The following TBCD variants were observed in gnomAD, a reference collection of about 807,000 sequenced individuals.
TBCD encodes the protein tubulin-specific chaperone D.
A neutral mutation model predicts 169.3 loss-of-function variants in TBCD; 105 were observed. That is an observed-to-expected ratio of 0.62 (90% CI 0.53 to 0.73). The LOEUF (loss-of-function observed/expected upper bound fraction) is 0.73. Among genes scored for constraint, TBCD ranks in the 30% least tolerant of loss-of-function variants. TBCD has a pLI of 0.00. For synonymous variants in TBCD, 700 were observed against 643.9 expected, an observed-to-expected ratio of 1.09 and a Z score of -1.32; for missense variants, 1,444 against 1,600.1, an observed-to-expected ratio of 0.90 and a Z score of 1.66.
intron 14 of TBCD, among the ~76,000 whole-genome samples, chr17:82,883,176 C>T (rs138102806): frequency 6.6e-6 from 1 of 152,270 alleles, no homozygotes; most frequent in Non-Finnish European, 1.5e-5. Context: ...GGTCTGTCAA[C>T]TTCCCTGGAA....
intron 8 of TBCD, among the ~76,000 whole-genome samples, chr17:82,800,037 C>T (rs574396893): frequency 1.3e-5 from 2 of 152,196 alleles, no homozygotes; most frequent in South Asian, 2.1e-4. Flanking sequence ...GCTCTGTCCC[C>T]GCCCCACTGC....
chr17:82,877,773 T>C (rs143240205), intron 14 of TBCD, among the ~76,000 whole-genome samples: 5 of 152,394 alleles, frequency 3.3e-5, no homozygotes, highest in East Asian at 3.9e-4. Context: ...TTCGTGCTAA[T>C]GTAACGTGAG....
chr17:82,903,147 C>T lies in TBCD; in HGVS notation c.1731-258C>T, dbSNP rs955372805. Among the ~76,000 whole-genome samples the T allele has an allele frequency of 6.6e-6, 1 of 152,110 alleles. No individual in the cohort carries two copies. The highest frequency in any genetic ancestry group is 2.4e-5 in the African/African-American group (1 of 41,394). On this transcript the variant is annotated intron_variant, in intron 18 of 38. Transcript: ENST00000355528. This position sits in a 1 kb window ranked among gnomAD's most constrained non-coding sequence, Gnocchi z 4.8. ...GTGGGGAGGCCGGACACCCAATTGC[C>T]ACCTGGCCCTGAGAAGGAAAGGCAG...
At chr17:82,781,852 G>A in intron 7 of TBCD, 131 bp downstream of exon 7, 16 of 1,422,800 alleles carry the variant, frequency 1.1e-5, no homozygotes, top group Non-Finnish European at 1.5e-5. Flanking sequence ...AACCGGGCCA[G>A]GGTCTTGGGC....
chr17:82,760,169 T>C (rs1277539310), intron 2 of TBCD, among the ~76,000 whole-genome samples: 1 of 152,232 alleles, frequency 6.6e-6, no homozygotes, highest in Non-Finnish European at 1.5e-5. Flanking sequence ...CCACCACGCC[T>C]GGCCTGGGTC....
At chr17:82,941,711 G>A in intron 38 of TBCD, 1 of 537,544 alleles carries the variant, frequency 1.9e-6, no homozygotes, top group Non-Finnish European at 3.3e-6. Flanking sequence ...GGGCGTTTGG[G>A]GGGCCGGGGA....
Position 82,870,390 on chromosome 17 carries a change from T to C in TBCD, c.1475+10T>C. The C allele has an allele frequency of 1.2e-6, 2 of 1,610,864 alleles. No homozygotes were observed. Among genetic ancestry groups the C allele is most frequent in the East Asian group, 2.2e-5 (1 of 44,814 alleles). ...TGACTGCAATCTCGAGGTAGGCCCA[T>C]TCGTCGAGGTACATCGGATGCGCCG... is the stretch of plus-strand genomic sequence containing the variant. On this transcript the variant is annotated intron_variant, in intron 14 of 38. Coordinates refer to ENST00000355528, the MANE Select transcript of TBCD (RefSeq NM_005993.5).
At chr17:82,838,321 A>C (rs1177663853) in intron 13 of TBCD, among the ~76,000 whole-genome samples, 1 of 141,992 alleles carries the variant, frequency 7.0e-6, no homozygotes, top group African/African-American at 2.6e-5. Flanking sequence ...AAAATAGACA[A>C]GAGAAAGAGT....
At position 82,929,442 on chromosome 17, in the gene TBCD, A is replaced by T. The variant is rs2062021356; in HGVS notation, c.2933A>T (p.Tyr978Phe). The T allele has an allele frequency of 6.2e-7, 1 of 1,611,742 alleles. No individual in the cohort carries two copies. The stretch of plus-strand genomic sequence containing the variant: ...ACCCAGCTCCTTGGGCTGCCCACCT[A>T]CCGCTACCACGTCCTGCTGGGGCTA... Reference protein sequence around the residue: ...RITQLLGLPTYRYHVLLGLVV... With the variant: ...RITQLLGLPTFRYHVLLGLVV... The change falls in exon 32 of 39, where the codon TAC (tyrosine) becomes TTC (phenylalanine). Residue 978 changes from tyrosine (Y) to phenylalanine (F), a missense_variant. Tyr to Phe is a conservative substitution (Grantham distance 22). Transcript: ENST00000355528.
chr17:82,756,466 CAT>C (rs767481978), intron 2 of TBCD, among the ~76,000 whole-genome samples: 8 of 152,052 alleles, frequency 5.3e-5, no homozygotes, highest in Non-Finnish European at 8.8e-5. Flanking sequence ...ATCTGCTCCT[CAT>C]GTGTTTTTTT....
intron 13 of TBCD, chr17:82,840,062 G>A (rs2054334196): frequency 6.6e-6 from 1 of 152,208 alleles, no homozygotes; most frequent in Non-Finnish European, 1.5e-5. Flanking sequence ...AAGTGTAGGA[G>A]TTGAGCCCTC....
chr17:82,831,985 G>A lies in TBCD; in HGVS notation c.1318+17051G>A. 1 of 1,613,400 alleles carries A rather than the reference G, an allele frequency of 6.2e-7. No individual in the cohort carries two copies. Among genetic ancestry groups the A allele is most frequent in the African/African-American group, 1.3e-5 (1 of 75,052 alleles). ...GACTGGAACAAATGCAGAAGGCCGA[G>A]CTGCGCCTTCCAGAGCAGGCTGGGC... On this transcript the variant is annotated intron_variant, in intron 13 of 38. Transcript: ENST00000355528. The surrounding 1 kb of genome is among the most constrained non-coding windows in gnomAD (Gnocchi z 4.6).
intron 13 of TBCD, among the ~76,000 whole-genome samples, chr17:82,863,175 C>T (rs1035825044): frequency 1.3e-5 from 2 of 152,210 alleles, no homozygotes; most frequent in African/African-American, 4.8e-5. Flanking sequence ...CCACCGTCCT[C>T]GTGGTGCCTG....
chr17:82,827,963 TCA>T (rs1177550759), intron 13 of TBCD, among the ~76,000 whole-genome samples: 1 of 114,658 alleles, frequency 8.7e-6, no homozygotes, highest in Admixed American at 9.4e-5. Context: ...GTGCATACAC[TCA>T]CAGATACGCA....
rs756514766 is a variant in TBCD at position 82,806,003 on chromosome 17, G to A, written c.1079G>A (p.Arg360His). The part of the protein sequence containing the change: ...EDDDVPEGVE[R>H]VIEQLLVGLK... Reference sequence around the variant, plus strand: ...GACGACGTCCCAGAGGGGGTGGAGCGTGTGATAGGTGCGTGGGGTCTAAGC... The same window carrying A: ...GACGACGTCCCAGAGGGGGTGGAGCATGTGATAGGTGCGTGGGGTCTAAGC... Residue 360 changes from arginine (R) to histidine (H), a missense_variant, in exon 10 of 39, where the codon CGT becomes CAT. Transcript: ENST00000355528. The surrounding 1 kb of genome is among the most constrained non-coding windows in gnomAD (Gnocchi z 5.1). 34 of 1,613,582 alleles carry A rather than the reference G, an allele frequency of 2.1e-5. No homozygotes were observed. The highest frequency in any genetic ancestry group is 9.3e-5 in the African/African-American group (7 of 74,932).
intron 13 of TBCD, among the ~76,000 whole-genome samples, chr17:82,861,058 A>T (rs2056717290): frequency 6.6e-6 from 1 of 152,054 alleles, no homozygotes; most frequent in South Asian, 2.1e-4. Context: ...TTGCAAGAAG[A>T]GTGTGGGCGT....
At chr17:82,839,913 TAGTG>T (rs764462287) in intron 13 of TBCD, 2 of 152,266 alleles carry the variant, frequency 1.3e-5, no homozygotes, top group Non-Finnish European at 2.9e-5. Context: ...TGAAAAGAAA[TAGTG>T]AGTACTTACC....
At chr17:82,805,527 C>G (rs962268911) in intron 9 of TBCD, among the ~76,000 whole-genome samples, 1 of 152,128 alleles carries the variant, frequency 6.6e-6, no homozygotes, top group African/African-American at 2.4e-5. Context: ...AAGGGGCTGC[C>G]AGGAGGCAGA....
intron 2 of TBCD, among the ~76,000 whole-genome samples, chr17:82,758,384 G>A (rs1209709356): frequency 8.0e-5 from 2 of 25,018 alleles, no homozygotes; most frequent in Non-Finnish European, 1.7e-4. Flanking sequence ...AAACGTCTCG[G>A]AAAAAAAAAA....
Sources: allele counts gnomAD v4.1 joint callset (sites outside exome capture counted in the v4.1 genomes callset), GRCh38; gene constraint gnomAD v4.1.1; non-coding constraint Gnocchi (gnomAD v3.1); transcripts MANE v1.5; gene names NCBI Gene and HGNC (gene_info 2026-07-23, HGNC 2026-07-21).